The following ERGIC1 variants were observed in gnomAD, a reference collection of about 807,000 sequenced individuals.
ERGIC1 encodes the protein endoplasmic reticulum-Golgi intermediate compartment protein 1.
In ERGIC1, 19 loss-of-function variants were observed where a neutral mutation model predicts 38.3. That is an observed-to-expected ratio of 0.50 (90% CI 0.35 to 0.73). The LOEUF (loss-of-function observed/expected upper bound fraction) is 0.73, where lower values mean the gene tolerates loss of function less well. ERGIC1 is among the 30% of genes least tolerant of loss of function. ERGIC1 has a pLI of 0.01. For synonymous variants in ERGIC1, 124 were observed against 157.6 expected, an observed-to-expected ratio of 0.79 and a Z score of 1.60; for missense variants, 294 against 389.2, an observed-to-expected ratio of 0.76 and a Z score of 2.06.
At chr5:172,946,844 C>T (rs1399761223) in intron 9 of ERGIC1, among the ~76,000 whole-genome samples, 1 of 149,634 alleles carries the variant, frequency 6.7e-6, no homozygotes, top group Non-Finnish European at 1.5e-5. Flanking sequence ...AGGGCCGTGG[C>T]AATGTGGGCC....
intron 3 of ERGIC1, among the ~76,000 whole-genome samples, chr5:172,899,853 C>G (rs1406926789): frequency 6.6e-6 from 1 of 152,210 alleles, no homozygotes; most frequent in Non-Finnish European, 1.5e-5. Context: ...GAGGATCAAA[C>G]AAGATTATTT....
At chr5:172,928,479 G>C (rs578031486) in intron 7 of ERGIC1, among the ~76,000 whole-genome samples, 2 of 152,282 alleles carry the variant, frequency 1.3e-5, no homozygotes, top group South Asian at 2.1e-4. Context: ...GCCCTCACTG[G>C]TCACCCTATC....
chr5:172,858,734 C>T (rs1761622034), intron 1 of ERGIC1, among the ~76,000 whole-genome samples: 1 of 152,216 alleles, frequency 6.6e-6, no homozygotes, highest in Admixed American at 6.5e-5. Context: ...CTTACCAGCC[C>T]CCCGCTGGCA....
At chr5:172,931,379 T>A (rs1763772108) in intron 7 of ERGIC1, among the ~76,000 whole-genome samples, 1 of 152,144 alleles carries the variant, frequency 6.6e-6, no homozygotes, top group African/African-American at 2.4e-5. Context: ...TTCCATCCGT[T>A]CATTCATTCA....
At chr5:172,843,152 T>A (rs921714954) in intron 1 of ERGIC1, among the ~76,000 whole-genome samples, 3 of 152,160 alleles carry the variant, frequency 2.0e-5, no homozygotes, top group Admixed American at 6.5e-5. Flanking sequence ...TCTCAAAAAT[T>A]AAATAAAATA....
intron 1 of ERGIC1, among the ~76,000 whole-genome samples, chr5:172,885,351 C>T (rs577269652): frequency 1.3e-4 from 19 of 151,884 alleles, no homozygotes; most frequent in Non-Finnish European, 2.4e-4. Context: ...CCAGGCTGGT[C>T]GCAAACTCCT....
intron 1 of ERGIC1, among the ~76,000 whole-genome samples, chr5:172,836,659 G>A (rs79986858): frequency 2.6e-4 from 40 of 152,314 alleles, no homozygotes; most frequent in African/African-American, 7.9e-4. Context: ...CAAGTGTCCA[G>A]TCCATGCTCA....
intron 3 of ERGIC1, chr5:172,906,188 T>C (rs1168880930): frequency 2.2e-6 from 1 of 456,170 alleles, no homozygotes; most frequent in East Asian, 6.9e-5. Flanking sequence ...CAGGTCCGTG[T>C]CTCCCCTCTC....
chr5:172,867,238 C>A, intron 1 of ERGIC1: 1 of 453,236 alleles, frequency 2.2e-6, no homozygotes, highest in Non-Finnish European at 4.4e-6. Context: ...CTCCTGGCAT[C>A]ACTGACACTG....
Position 172,932,543 on chromosome 5 carries a change from G to A in ERGIC1, c.642+7G>A, listed in dbSNP as rs775316423. 6.8e-6 allele frequency: 11 copies of A among 1,613,426 alleles called. No homozygotes were observed. In the Admixed American group the frequency reaches 1.0e-4, roughly 15 times the overall value. On this transcript the variant is annotated splice_region_variant and intron_variant, in intron 8 of 9. Transcript: ENST00000393784. ...GTACACGGTGGCCAACAAGGTGCGC[G>A]GGCGGTGGCTGGGCCGAGCTGTGTG...
chr5:172,835,531 G>T (rs1761012996), intron 1 of ERGIC1, among the ~76,000 whole-genome samples: 1 of 152,164 alleles, frequency 6.6e-6, no homozygotes, highest in South Asian at 2.1e-4. Context: ...AGTGGATGGG[G>T]GGTGTTCTCC....
chr5:172,920,219 C>G (rs1763475827), intron 5 of ERGIC1: 1 of 677,792 alleles, frequency 1.5e-6, no homozygotes, highest in South Asian at 1.6e-5. Context: ...AGCCACTTTC[C>G]CTTTGAGGAA....
chr5:172,918,767 C>T (rs148944853), intron 5 of ERGIC1, among the ~76,000 whole-genome samples: 6 of 152,310 alleles, frequency 3.9e-5, no homozygotes, highest in East Asian at 1.9e-4. Context: ...TTCACAGTGC[C>T]GGCAGGCAGG....
In ERGIC1 at chr5:172,854,325, T is replaced by C. The variant is rs1027517055; in HGVS notation, c.20+19892T>C. On this transcript the variant is annotated intron_variant, in intron 1 of 9. Transcript: ENST00000393784. ...TGAGCCCGGGAGGTTGAGGCTGCAG[T>C]GAGCTGTGTTCACGCCACTTCCACT... 5.9e-5 allele frequency among the ~76,000 whole-genome samples: 9 copies of C among 152,148 alleles called. No individual in the cohort carries two copies. The East Asian group carries it at 1.4e-3, about 23-fold the overall frequency.
intron 1 of ERGIC1, among the ~76,000 whole-genome samples, chr5:172,862,173 T>G (rs553335756): frequency 3.6e-4 from 55 of 151,310 alleles, no homozygotes; most frequent in African/African-American, 1.3e-3. Context: ...ATATTTTTAG[T>G]AGAGACAGGG....
At chr5:172,896,943 G>T in intron 2 of ERGIC1, 59 bp from the exon 3 acceptor site, 1 of 1,525,274 alleles carries the variant, frequency 6.6e-7, no homozygotes, top group Non-Finnish European at 9.1e-7. Flanking sequence ...CTCTAGGCTG[G>T]TCTCCCTTCG....
intron 1 of ERGIC1, among the ~76,000 whole-genome samples, chr5:172,858,131 G>A (rs373668532): frequency 1.1e-4 from 16 of 152,310 alleles, no homozygotes; most frequent in Admixed American, 2.0e-4. Context: ...GGTATTTGAC[G>A]GCTGTCTGAA....
intron 1 of ERGIC1, among the ~76,000 whole-genome samples, chr5:172,863,860 T>A (rs1487085148): frequency 1.3e-5 from 2 of 152,164 alleles, no homozygotes; most frequent in African/African-American, 4.8e-5. Context: ...ATCTACTCTC[T>A]GAAGAAATAC....
At chr5:172,888,580 A>G (rs1425239476) in intron 1 of ERGIC1, 119 bp from the exon 2 acceptor site, 1 of 827,434 alleles carries the variant, frequency 1.2e-6, no homozygotes, top group East Asian at 2.5e-5. Context: ...AGAGCAGAAA[A>G]ACTGTGGGAA....
Sources: gnomAD v4.1 joint callset for allele counts (sites outside exome capture counted in the v4.1 genomes callset) on GRCh38, gnomAD v4.1.1 for gene constraint, MANE v1.5 for transcripts, NCBI Gene and HGNC (gene_info 2026-07-23, HGNC 2026-07-21) for gene names.